The following PHLPP2 variants were observed in gnomAD, a reference collection of about 807,000 sequenced individuals.
PHLPP2 encodes the protein PH domain and leucine rich repeat protein phosphatase 2.
PHLPP2 carries 66 observed loss-of-function variants against 124.9 expected under a neutral mutation model. The ratio of observed to expected loss-of-function variants is 0.53; its 90% confidence interval spans 0.43 to 0.65. The LOEUF is 0.65. Ranked by LOEUF, PHLPP2 falls within the 30% of genes least tolerant of loss-of-function variation. The probability of loss-of-function intolerance (pLI) is 0.00; values close to 1 mark genes in which losing one functional copy is unlikely to be tolerated. For missense variants in PHLPP2, 1,685 were observed against 1,600.4 expected (o/e 1.05, Z -0.90); for synonymous variants, 681 against 624.7 (o/e 1.09, Z -1.34).
rs759865715 is a variant in PHLPP2, at chr16:71,679,511, G to A, written c.915C>T (p.Asn305=). ...ACAACCCAAGTTTATTATGGGACAA[G>A]TTCAGGCCCTTCAGTTGAGAAAATC... ...LYKFSQLKGL[N]LSHNKLGLFP... The change falls in exon 7 of 19, where the codon AAC becomes AAT. Residue 305 remains asparagine (N), a synonymous_variant. Coordinates refer to ENST00000568954, the MANE Select transcript of PHLPP2 (RefSeq NM_015020.3). 1.5e-5 allele frequency: 24 copies of A among 1,613,924 alleles called. No homozygotes were observed. Among genetic ancestry groups the A allele is most frequent in the Non-Finnish European group, 1.9e-5 (23 of 1,179,952 alleles).
chr16:71,666,191 T>C (rs535075148), intron 12 of PHLPP2: 4 of 151,880 alleles, frequency 2.6e-5, no homozygotes, highest in Non-Finnish European at 5.9e-5. Flanking sequence ...AACCATTCCG[T>C]ATTAAAAAAA....
intron 18 of PHLPP2, among the ~76,000 whole-genome samples, chr16:71,651,067 C>T (rs8056168): frequency 0.037 from 5,695 of 152,228 alleles, 330 homozygotes; most frequent in African/African-American, 0.13. Flanking sequence ...TGGCCAGGGA[C>T]GGTGGCTCAC....
chr16:71,719,743 A>G (rs2045386066), intron 1 of PHLPP2, among the ~76,000 whole-genome samples: 1 of 151,958 alleles, frequency 6.6e-6, no homozygotes, highest in Non-Finnish European at 1.5e-5. Context: ...CTAGAAGGCA[A>G]AAGTCTTGAG....
Position 71,693,634 on chromosome 16 carries a change from T to C in PHLPP2, c.419-2925A>G, listed in dbSNP as rs549398951. ...CTGCTACCATCTGCCAAATGACGGC[T>C]AAACTCCTGATGGAGCACCCATGGC... On this transcript the variant is annotated intron_variant, in intron 3 of 18. Coordinates refer to ENST00000568954, the MANE Select transcript of PHLPP2 (RefSeq NM_015020.3). Among the ~76,000 whole-genome samples, 23 of 152,330 alleles carry C rather than the reference T, an allele frequency of 1.5e-4. No individual in the cohort carries two copies. The South Asian group carries it at 4.6e-3, about 30-fold the overall frequency.
At chr16:71,684,626 C>T in intron 4 of PHLPP2, 25 bp from the exon 5 acceptor site, 1 of 1,570,412 alleles carries the variant, frequency 6.4e-7, no homozygotes, top group South Asian at 1.2e-5. Context: ...GGGAGAAAAC[C>T]AGAACCACTA....
At position 71,663,952 on chromosome 16, in the gene PHLPP2, C is replaced by T. The variant is rs150032441; in HGVS notation, c.1932G>A (p.Leu644=). 1.8e-4 allele frequency: 289 copies of T among 1,614,032 alleles called. 1 individual carries two copies. Among genetic ancestry groups the T allele is most frequent in the Admixed American group, 1.7e-4 (10 of 60,006 alleles). Residue 644 remains leucine, a synonymous_variant, in exon 13 of 19, where the codon CTG becomes CTA. Coordinates refer to ENST00000568954, the MANE Select transcript of PHLPP2 (RefSeq NM_015020.3). Reference sequence around the variant, plus strand: ...TTGCAAGGTGCAAGATTCGCAGGTGCAGGTGCCCTACCAGGACAGGTATGC... The same window carrying T: ...TTGCAAGGTGCAAGATTCGCAGGTGTAGGTGCCCTACCAGGACAGGTATGC... ...DQCIPVLVGH[L]HLRILHLANN...
At chr16:71,679,118 A>G in intron 7 of PHLPP2, 133 bp from the exon 8 acceptor site, 1 of 635,896 alleles carries the variant, frequency 1.6e-6, no homozygotes. Context: ...CTAACTCTCC[A>G]TCTATGCAGA....
chr16:71,652,055 G>C (rs2044700292), intron 18 of PHLPP2, among the ~76,000 whole-genome samples: 1 of 152,080 alleles, frequency 6.6e-6, no homozygotes, highest in Non-Finnish European at 1.5e-5. Flanking sequence ...AAAACTAAAA[G>C]CTCTGCAAAA....
At chr16:71,652,026 T>C (rs745376119) in intron 18 of PHLPP2, among the ~76,000 whole-genome samples, 5 of 152,138 alleles carry the variant, frequency 3.3e-5, no homozygotes, top group African/African-American at 1.2e-4. Flanking sequence ...AGATAAAAAC[T>C]GACAGGTGGG....
chr16:71,705,136 T>C (rs1367753823), intron 2 of PHLPP2, among the ~76,000 whole-genome samples: 3 of 152,188 alleles, frequency 2.0e-5, no homozygotes, highest in East Asian at 1.9e-4. Flanking sequence ...TGGAGAGCCA[T>C]CTGTCACAGA....
intron 1 of PHLPP2, among the ~76,000 whole-genome samples, chr16:71,722,542 TC>T (rs1267721924): frequency 2.0e-5 from 3 of 152,236 alleles, no homozygotes; most frequent in Non-Finnish European, 4.4e-5. Context: ...TTATTGTTTT[TC>T]CGTGTTCCCA....
At position 71,679,481 on chromosome 16, in the gene PHLPP2, A is replaced by T. The variant is rs929940597; in HGVS notation, c.945T>A (p.Pro315=). 5.0e-6 allele frequency: 8 copies of T among 1,613,830 alleles called. No individual in the cohort carries two copies. The African/African-American group carries it at 5.3e-5, about 11-fold the overall frequency. The change falls in exon 7 of 19, where the codon CCT becomes CCA. Residue 315 remains proline, a synonymous_variant. Coordinates refer to ENST00000568954, the MANE Select transcript of PHLPP2 (RefSeq NM_015020.3). The stretch of plus-strand genomic sequence containing the variant: ...GGGTAGAGATCTCGCATAACAATAT[A>T]GGAAACAACCCAAGTTTATTATGGG... The part of the protein sequence containing the change: ...NLSHNKLGLF[P]ILLCEISTLT...
At chr16:71,703,388 T>TCTAC (rs1227813757) in intron 2 of PHLPP2, among the ~76,000 whole-genome samples, 4 of 152,170 alleles carry the variant, frequency 2.6e-5, no homozygotes, top group African/African-American at 9.7e-5. Context: ...TAAAGATCAT[T>TCTAC]CTACTACATG....
chr16:71,712,381 A>C (rs1353897229), intron 2 of PHLPP2, among the ~76,000 whole-genome samples: 1 of 152,264 alleles, frequency 6.6e-6, no homozygotes, highest in Non-Finnish European at 1.5e-5. Flanking sequence ...ACATAAGTAA[A>C]TAAACTATCA....
At chr16:71,689,091 T>A (rs112426469) in intron 4 of PHLPP2, among the ~76,000 whole-genome samples, 3 of 152,190 alleles carry the variant, frequency 2.0e-5, no homozygotes, top group African/African-American at 7.2e-5. Flanking sequence ...TAAATACTTA[T>A]AAGAGCCAAA....
At chr16:71,674,219 A>G (rs2044922698) in intron 9 of PHLPP2, among the ~76,000 whole-genome samples, 1 of 152,006 alleles carries the variant, frequency 6.6e-6, no homozygotes, top group South Asian at 2.1e-4. Context: ...CTGGGATTAC[A>G]GGCACGCGCC....
chr16:71,650,783 A>G (rs775212458), intron 18 of PHLPP2, among the ~76,000 whole-genome samples: 1 of 152,234 alleles, frequency 6.6e-6, no homozygotes, highest in Admixed American at 6.5e-5. Flanking sequence ...CCTCTGGGAG[A>G]AGACCTGAGC....
chr16:71,716,160 T>C (rs1416820867), intron 1 of PHLPP2, among the ~76,000 whole-genome samples: 1 of 152,226 alleles, frequency 6.6e-6, no homozygotes, highest in Non-Finnish European at 1.5e-5. Flanking sequence ...TTCATTTGAA[T>C]AATATTCCCT....
rs780589923 is a variant in PHLPP2, at chr16:71,690,624, C to T, written c.504G>A (p.Lys168=). ...NVRKGKTQLH[K]WAERLVVLCG... ...AGAGGACAACTAGGCGCTCAGCCCA[C>T]TTATGCAGCTGGGTCTTTCCCTTGC... The change falls in exon 4 of 19, where the codon AAG becomes AAA. Residue 168 remains lysine (K), a synonymous_variant. Transcript: ENST00000568954. 3 of 1,612,238 alleles carry T rather than the reference C, an allele frequency of 1.9e-6. No individual in the cohort carries two copies. In the Admixed American group the frequency reaches 5.0e-5, roughly 27 times the overall value.
Sources: gnomAD v4.1 joint callset for allele counts (sites outside exome capture counted in the v4.1 genomes callset) on GRCh38, gnomAD v4.1.1 for gene constraint, MANE v1.5 for transcripts, NCBI Gene and HGNC (gene_info 2026-07-23, HGNC 2026-07-21) for gene names.